ABCB1: variants seen among roughly 807,000 people sequenced by gnomAD.
The protein encoded by ABCB1 is ATP binding cassette subfamily B member 1.
Under a neutral mutation model 142.0 loss-of-function variants are expected in ABCB1, and 69 were observed. That is an observed-to-expected ratio of 0.49 (90% CI 0.40 to 0.59). The LOEUF (loss-of-function observed/expected upper bound fraction) is 0.59. Ranked by LOEUF, ABCB1 falls within the 20% of genes least tolerant of loss-of-function variation. The probability of loss-of-function intolerance (pLI) is 0.00; values close to 1 mark genes in which losing one functional copy is unlikely to be tolerated. For synonymous variants in ABCB1, 532 were observed against 539.2 expected (o/e 0.99, Z 0.18); for missense variants, 1,326 against 1,554.7 (o/e 0.85, Z 2.47).
At chr7:87,646,755 A>G (rs2130342482) in intron 1 of ABCB1, among the ~76,000 whole-genome samples, 1 of 152,174 alleles carries the variant, frequency 6.6e-6, no homozygotes, top group South Asian at 2.1e-4. Context: ...TGGCAGCATT[A>G]TTCTTGTGTA....
chr7:87,552,688 G>A (rs1431344597), intron 9 of ABCB1, among the ~76,000 whole-genome samples: 2 of 142,232 alleles, frequency 1.4e-5, no homozygotes, highest in Non-Finnish European at 3.0e-5. Flanking sequence ...TCCCCACTGA[G>A]CAATGTTGGA....
At chr7:87,598,029 T>C (rs547804839) in intron 2 of ABCB1, among the ~76,000 whole-genome samples, 1 of 152,124 alleles carries the variant, frequency 6.6e-6, no homozygotes, top group Admixed American at 6.5e-5. Flanking sequence ...ATGTCCCACA[T>C]CTTGGGTATA....
At chr7:87,608,131 G>A (rs1252412314) in intron 1 of ABCB1, among the ~76,000 whole-genome samples, 2 of 152,148 alleles carry the variant, frequency 1.3e-5, no homozygotes, top group Admixed American at 1.3e-4. Context: ...ATAAATTTAA[G>A]TTTTAGAAAC....
rs1428844378 is a variant in ABCB1, at chr7:87,566,959, C to T, written c.356G>A (p.Ser119Asn). The T allele has an allele frequency of 6.2e-7, 1 of 1,614,160 alleles. No homozygotes were observed. The highest frequency in any genetic ancestry group is 8.5e-7 in the Non-Finnish European group (1 of 1,179,988). ...EDMTRYAYYY[S>N]GIGAGVLVAA... ...AACCAGCACCCCAGCACCAATTCCA[C>T]TGTAATAATAGGCATACCTGAAAAA... is the stretch of plus-strand genomic sequence containing the variant. The change falls in exon 6 of 28, where the codon AGT (serine) becomes AAT (asparagine). Residue 119 changes from serine (S) to asparagine (N), a missense_variant. Coordinates refer to ENST00000622132, the MANE Select transcript of ABCB1 (RefSeq NM_001348946.2).
intron 1 of ABCB1, among the ~76,000 whole-genome samples, chr7:87,675,259 G>A (rs2130548613): frequency 1.3e-5 from 2 of 152,234 alleles, no homozygotes; most frequent in East Asian, 3.9e-4. Context: ...CCAAAGATCT[G>A]TTCAGAGTCT....
intron 1 of ABCB1, among the ~76,000 whole-genome samples, chr7:87,685,299 A>G (rs1454185205): frequency 6.6e-6 from 1 of 152,222 alleles, no homozygotes; most frequent in East Asian, 1.9e-4. Flanking sequence ...TATTTCATCA[A>G]AGAAGATACA....
chr7:87,650,787 T>C, intron 1 of ABCB1: 1 of 1,319,396 alleles, frequency 7.6e-7, no homozygotes, highest in Non-Finnish European at 1.1e-6. Context: ...ATGAATCAAC[T>C]CTGCCTAAAA....
chr7:87,644,382 CA>C (rs1291393676), intron 1 of ABCB1, among the ~76,000 whole-genome samples: 1 of 152,184 alleles, frequency 6.6e-6, no homozygotes, highest in Non-Finnish European at 1.5e-5. Flanking sequence ...ATAATTACCT[CA>C]CCCCTGTGTT....
intron 3 of ABCB1, among the ~76,000 whole-genome samples, chr7:87,587,122 C>A (rs1339448948): frequency 6.6e-6 from 1 of 152,056 alleles, no homozygotes; most frequent in Non-Finnish European, 1.5e-5. Context: ...AAATTTTGCA[C>A]TATGTACTTT....
At position 87,591,709 on chromosome 7, in the gene ABCB1, TG is replaced by T. The variant is rs1819007721; in HGVS notation, c.117+4056del. Reference sequence around the variant, plus strand: ...TGCCAAAGTCCTCAAGGAATGGGGGTGGGGGTATACTTCGAGGATACCACCG... The same window carrying T: ...TGCCAAAGTCCTCAAGGAATGGGGGTGGGGTATACTTCGAGGATACCACCG... On this transcript the variant is annotated intron_variant, in intron 3 of 27. Transcript: ENST00000622132. Among the ~76,000 whole-genome samples, 4 of 151,496 alleles carry T rather than the reference TG, an allele frequency of 2.6e-5. 1 individual carries two copies. The South Asian group carries it at 8.4e-4, about 32-fold the overall frequency.
intron 1 of ABCB1, among the ~76,000 whole-genome samples, chr7:87,639,699 T>A (rs1477012863): frequency 6.6e-6 from 1 of 152,138 alleles, no homozygotes; most frequent in African/African-American, 2.4e-5. Context: ...ACTAATACAG[T>A]TATAATAGCT....
chr7:87,614,660 TAGAC>T (rs1234599236), intron 1 of ABCB1, among the ~76,000 whole-genome samples: 3 of 152,220 alleles, frequency 2.0e-5, no homozygotes, highest in Non-Finnish European at 2.9e-5. Context: ...GATGTGTTAA[TAGAC>T]AGCCTGTTTA....
intron 1 of ABCB1, among the ~76,000 whole-genome samples, chr7:87,704,255 G>A (rs1048958972): frequency 1.3e-5 from 2 of 151,966 alleles, no homozygotes; most frequent in East Asian, 3.9e-4. Context: ...TATGGCTTAA[G>A]AATTATATCT....
chr7:87,570,850 G>A (rs1246968817), intron 4 of ABCB1, among the ~76,000 whole-genome samples: 8 of 151,976 alleles, frequency 5.3e-5, no homozygotes, highest in Non-Finnish European at 7.4e-5. Context: ...TTTTATGTAC[G>A]CATGTATATA....
intron 1 of ABCB1, among the ~76,000 whole-genome samples, chr7:87,662,035 G>T (rs1824762714): frequency 6.6e-6 from 1 of 152,036 alleles, no homozygotes; most frequent in South Asian, 2.1e-4. Context: ...ATACCTGTTT[G>T]CCATTTATAG....
chr7:87,554,336 TAAA>T (rs5885589), intron 8 of ABCB1, among the ~76,000 whole-genome samples: 2 of 142,164 alleles, frequency 1.4e-5, no homozygotes, highest in Non-Finnish European at 1.5e-5. Flanking sequence ...TAGAAAGTAC[TAAA>T]AAAAAAAAAA....
chr7:87,504,801 T>A (rs1284347433), intron 27 of ABCB1, among the ~76,000 whole-genome samples: 2 of 134,348 alleles, frequency 1.5e-5, no homozygotes, highest in African/African-American at 3.2e-5. Context: ...CGAGACTCCA[T>A]CTCAAAGAAA....
intron 1 of ABCB1, among the ~76,000 whole-genome samples, chr7:87,658,066 A>G (rs1404887355): frequency 6.6e-6 from 1 of 152,220 alleles, no homozygotes; most frequent in Non-Finnish European, 1.5e-5. Context: ...AAAGATAGTC[A>G]ATAGATGTCA....
intron 8 of ABCB1, 107 bp from the exon 9 acceptor site, chr7:87,554,039 G>A (rs1351083284): frequency 2.0e-6 from 2 of 1,008,234 alleles, no homozygotes; most frequent in Non-Finnish European, 1.5e-6. Context: ...TGATATACAT[G>A]CATTTTGTCC....
Sources: gnomAD v4.1 joint callset for allele counts (sites outside exome capture counted in the v4.1 genomes callset) on GRCh38, gnomAD v4.1.1 for gene constraint, MANE v1.5 for transcripts, NCBI Gene and HGNC (gene_info 2026-07-23, HGNC 2026-07-21) for gene names.